Variants in DCAF6 observed in about 807,000 individuals in gnomAD.
DCAF6 encodes the protein DDB1- and CUL4-associated factor 6.
A neutral mutation model predicts 125.1 loss-of-function variants in DCAF6; 54 were observed. The observed-to-expected ratio is 0.43, with a 90% CI of 0.35 to 0.54. The LOEUF (loss-of-function observed/expected upper bound fraction) is 0.54. DCAF6 is among the 20% of genes least tolerant of loss of function. The pLI, the probability that DCAF6 is intolerant of heterozygous loss-of-function variation, is 0.01. For missense variants in DCAF6, 934 were observed against 1,161.7 expected (o/e 0.80, Z 2.85); for synonymous variants, 371 against 390.4 (o/e 0.95, Z 0.58).
the DCAF6 span, among the ~76,000 whole-genome samples, chr1:167,904,213 G>C: frequency 6.6e-6 from 1 of 150,586 alleles, no homozygotes; most frequent in South Asian, 2.1e-4. Flanking sequence ...TCAGCCTTCC[G>C]AGCAGCTGGG....
chr1:167,982,265 C>T lies in DCAF6; in HGVS notation c.439-5230C>T, dbSNP rs147888321. Among the ~76,000 whole-genome samples the T allele has an allele frequency of 3.9e-3, 595 of 151,720 alleles. 2 individuals are homozygous for T. Among genetic ancestry groups the T allele is most frequent in the African/African-American group, 0.013 (548 of 41,380 alleles). On this transcript the variant is annotated intron_variant, in intron 4 of 21. Transcript: ENST00000367840. ...TTTTTAAGTTCTTTTTTTTTTGAGACGGAGTCTCGCTTCATCGCCAGGCTG... is the reference window on the plus strand; with the variant it reads ...TTTTTAAGTTCTTTTTTTTTTGAGATGGAGTCTCGCTTCATCGCCAGGCTG...
the DCAF6 span, chr1:167,904,522 C>T: frequency 3.7e-6 from 1 of 271,540 alleles, no homozygotes; most frequent in Non-Finnish European, 6.9e-6. Context: ...TCCAAATTCT[C>T]AACTGTACAG....
At chr1:168,008,878 C>T (rs1211721408) in intron 10 of DCAF6, among the ~76,000 whole-genome samples, 6 of 130,216 alleles carry the variant, frequency 4.6e-5, no homozygotes, top group African/African-American at 1.7e-4. Context: ...CACCCTGCCC[C>T]CACCCCCTCC....
intron 4 of DCAF6, among the ~76,000 whole-genome samples, chr1:167,982,044 T>C (rs1679254167): frequency 6.6e-6 from 1 of 152,188 alleles, no homozygotes; most frequent in Non-Finnish European, 1.5e-5. Flanking sequence ...TTTTGTTTCT[T>C]GACTTTTTAA....
chr1:167,964,527 T>A (rs1287504574), intron 2 of DCAF6, among the ~76,000 whole-genome samples: 1 of 152,214 alleles, frequency 6.6e-6, no homozygotes, highest in Non-Finnish European at 1.5e-5. Flanking sequence ...GCTGTAGTTC[T>A]TTTTGTATTT....
At position 168,056,736 on chromosome 1, in the gene DCAF6, A is replaced by G. The variant is rs553670202; in HGVS notation, c.2300+5803A>G. 5.8e-4 allele frequency among the ~76,000 whole-genome samples: 88 copies of G among 152,344 alleles called. No individual in the cohort carries two copies. In the South Asian group the frequency reaches 0.018, roughly 31 times the overall value. On this transcript the variant is annotated intron_variant, in intron 17 of 21. Coordinates refer to ENST00000367840, the MANE Select transcript of DCAF6 (RefSeq NM_001198956.2). ...GAAACCTCTTTAAGCTTTGTTTGGT[A>G]TATCATTTTCCACACTTACTTTATC... is the stretch of plus-strand genomic sequence containing the variant.
At chr1:168,013,170 AAGCAGTATGCCACTG>A (rs1370673044) in intron 10 of DCAF6, among the ~76,000 whole-genome samples, 5 of 152,218 alleles carry the variant, frequency 3.3e-5, no homozygotes, top group African/African-American at 1.2e-4. Context: ...CCTGAAAAGA[AAGCAGTATGCCACTG>A]AGCATCACCA....
chr1:167,902,100 G>C, the DCAF6 span: 1 of 1,567,028 alleles, frequency 6.4e-7, no homozygotes, highest in African/African-American at 1.4e-5. Context: ...TTCCTTAAAG[G>C]TAGTAAAAAA....
chr1:167,925,467 A>G, the DCAF6 span, among the ~76,000 whole-genome samples: 2 of 115,538 alleles, frequency 1.7e-5, no homozygotes, highest in East Asian at 4.7e-4. Flanking sequence ...ATATATATAT[A>G]TATATATACA....
At chr1:168,073,601 A>G (rs1693407298) in intron 21 of DCAF6, among the ~76,000 whole-genome samples, 1 of 151,944 alleles carries the variant, frequency 6.6e-6, no homozygotes, top group Admixed American at 6.6e-5. Flanking sequence ...TTTTTTCTTA[A>G]CTCTCTATTA....
the DCAF6 span, among the ~76,000 whole-genome samples, chr1:167,912,354 T>A: frequency 5.3e-5 from 8 of 152,200 alleles, no homozygotes; most frequent in African/African-American, 1.7e-4. Flanking sequence ...CCACCCAACA[T>A]GGCGATTCCG....
At chr1:167,907,581 T>C in the DCAF6 span, among the ~76,000 whole-genome samples, 119 of 152,234 alleles carry the variant, frequency 7.8e-4, 1 homozygote, top group South Asian at 0.023. Flanking sequence ...TAGTTTCAAG[T>C]AGACAGGGAA....
At chr1:167,929,797 T>C in the DCAF6 span, among the ~76,000 whole-genome samples, 18 of 152,336 alleles carry the variant, frequency 1.2e-4, no homozygotes, top group South Asian at 2.1e-3. Flanking sequence ...AAATACTGGA[T>C]TGAGGTATTC....
the DCAF6 span, among the ~76,000 whole-genome samples, chr1:167,921,536 A>G: frequency 2.0e-5 from 3 of 151,890 alleles, no homozygotes; most frequent in African/African-American, 4.8e-5. Context: ...CTGTTACGCC[A>G]TTTTTCTTTA....
At chr1:168,020,801 G>T (rs1387193835) in intron 11 of DCAF6, among the ~76,000 whole-genome samples, 1 of 151,996 alleles carries the variant, frequency 6.6e-6, no homozygotes, top group African/African-American at 2.4e-5. Flanking sequence ...TTGTATTTAT[G>T]AATAGTGGTT....
the DCAF6 span, among the ~76,000 whole-genome samples, chr1:167,908,517 A>G: frequency 2.0e-5 from 3 of 152,242 alleles, no homozygotes; most frequent in Non-Finnish European, 4.4e-5. Context: ...AAAGTATTAT[A>G]TACTTCAAAA....
intron 5 of DCAF6, among the ~76,000 whole-genome samples, chr1:167,989,477 A>T (rs929310432): frequency 8.5e-5 from 13 of 152,262 alleles, no homozygotes; most frequent in African/African-American, 2.9e-4. Flanking sequence ...GTAATCCTTA[A>T]CTACTAAAAA....
intron 7 of DCAF6, among the ~76,000 whole-genome samples, chr1:167,995,633 C>T (rs1681542000): frequency 6.7e-6 from 1 of 150,082 alleles, no homozygotes. Flanking sequence ...GAGCCGAGAT[C>T]ACGCCATTGC....
At chr1:168,036,198 C>T (rs901622156) in intron 12 of DCAF6, among the ~76,000 whole-genome samples, 2 of 152,162 alleles carry the variant, frequency 1.3e-5, no homozygotes, top group Non-Finnish European at 2.9e-5. Context: ...CTGCTCTGTT[C>T]TGATCTCTTA....
Sources: allele counts gnomAD v4.1 joint callset (sites outside exome capture counted in the v4.1 genomes callset), GRCh38; gene constraint gnomAD v4.1.1; transcripts MANE v1.5; gene names NCBI Gene and HGNC (gene_info 2026-07-23, HGNC 2026-07-21).